CUL1: variants seen among roughly 807,000 people sequenced by gnomAD.
CUL1 encodes the protein cullin 1.
CUL1 carries 24 observed loss-of-function variants against 118.0 expected under a neutral mutation model. The observed-to-expected ratio is 0.20, with a 90% CI of 0.15 to 0.29. The LOEUF is 0.29. Ranked by LOEUF, CUL1 falls within the 10% of genes least tolerant of loss-of-function variation. The pLI is 1.00. For missense variants in CUL1, 361 were observed against 933.8 expected, an observed-to-expected ratio of 0.39 and a Z score of 7.99; for synonymous variants, 332 against 340.4, an observed-to-expected ratio of 0.98 and a Z score of 0.27.
At chr7:148,770,998 A>G (rs971136069) in intron 9 of CUL1, among the ~76,000 whole-genome samples, 3 of 152,208 alleles carry the variant, frequency 2.0e-5, no homozygotes, top group African/African-American at 7.2e-5. Flanking sequence ...AAGTTTAAAA[A>G]TTTTTGCCTA....
At chr7:148,716,446 T>G (rs1798217311) in intron 1 of CUL1, among the ~76,000 whole-genome samples, 1 of 152,202 alleles carries the variant, frequency 6.6e-6, no homozygotes, top group Non-Finnish European at 1.5e-5. Context: ...CTGTCAAATT[T>G]CCATCAGAGG....
chr7:148,719,790 T>C (rs977849000), intron 1 of CUL1, among the ~76,000 whole-genome samples: 6 of 152,244 alleles, frequency 3.9e-5, no homozygotes, highest in African/African-American at 1.2e-4. Flanking sequence ...TTTGGACGTG[T>C]CATTACGTAT....
intron 9 of CUL1, among the ~76,000 whole-genome samples, chr7:148,779,335 T>G (rs1054650244): frequency 2.0e-5 from 3 of 152,178 alleles, no homozygotes; most frequent in African/African-American, 7.2e-5. Context: ...AACACTGAGA[T>G]GTACCCAGCA....
At chr7:148,739,191 C>T (rs1799060069) in intron 2 of CUL1, among the ~76,000 whole-genome samples, 1 of 152,184 alleles carries the variant, frequency 6.6e-6, no homozygotes, top group Admixed American at 6.5e-5. Flanking sequence ...AGGTCTCATA[C>T]CAGTGAGGTG....
intron 9 of CUL1, among the ~76,000 whole-genome samples, chr7:148,778,014 G>C (rs1800460178): frequency 7.6e-6 from 1 of 131,434 alleles, no homozygotes; most frequent in Non-Finnish European, 1.5e-5. Context: ...AGTGAGCCGA[G>C]ATCATGCCAC....
intron 1 of CUL1, among the ~76,000 whole-genome samples, chr7:148,713,031 A>C (rs243535): frequency 0.32 from 48,163 of 152,046 alleles, 8,374 homozygotes; most frequent in South Asian, 0.48. Flanking sequence ...GATTTTTTAA[A>C]AAGTTCCAGT....
chr7:148,713,389 G>A (rs1005961371), intron 1 of CUL1, among the ~76,000 whole-genome samples: 1 of 152,164 alleles, frequency 6.6e-6, no homozygotes, highest in Admixed American at 6.5e-5. Context: ...GTTTTCCGGA[G>A]CAATTTATAC....
At position 148,760,469 on chromosome 7, in the gene CUL1, G is replaced by T; in HGVS notation, c.762G>T (p.Gln254His). ...YTRESTEFLQ[Q>H]NPVTEYMKKA... ...GAGAGAGTACTGAATTCTTGCAGCAGAACCCAGTTACTGAATATATGAAAA... is the reference window on the plus strand; with the variant it reads ...GAGAGAGTACTGAATTCTTGCAGCATAACCCAGTTACTGAATATATGAAAA... The change falls in exon 7 of 22, where the codon CAG becomes CAT. Residue 254 changes from glutamine (Q) to histidine (H), a missense_variant. By Grantham distance (24) the Gln-to-His change is conservative. Around this residue, in one of 7 missense-constraint regions of CUL1, gnomAD observed 169 missense variants for 429.7 expected, o/e 0.39. Transcript: ENST00000325222. 6.2e-7 allele frequency: 1 copy of T among 1,610,724 alleles called. No homozygotes were observed.
At chr7:148,767,776 T>C in intron 9 of CUL1, 27 bp downstream of exon 9, 1 of 1,608,590 alleles carries the variant, frequency 6.2e-7, no homozygotes, top group Non-Finnish European at 8.5e-7. Context: ...TGAAAATCAG[T>C]CAGGCTGATT....
chr7:148,725,934 A>G (rs989255161), intron 1 of CUL1, among the ~76,000 whole-genome samples: 1 of 152,248 alleles, frequency 6.6e-6, no homozygotes, highest in African/African-American at 2.4e-5. Context: ...GGGAACAACT[A>G]GAAAAAGGGA....
intron 11 of CUL1, among the ~76,000 whole-genome samples, chr7:148,786,191 A>G (rs747730924): frequency 3.3e-5 from 5 of 152,214 alleles, no homozygotes; most frequent in South Asian, 2.1e-4. Context: ...TATTTCTCCA[A>G]AGTTAAATTA....
At chr7:148,727,326 T>C (rs2129459522) in intron 1 of CUL1, among the ~76,000 whole-genome samples, 2 of 152,368 alleles carry the variant, frequency 1.3e-5, no homozygotes, top group African/African-American at 4.8e-5. Flanking sequence ...AGAAACGAGA[T>C]AGAATTTTGT....
In CUL1 at chr7:148,792,802, G is replaced by A; in HGVS notation, c.1883G>A (p.Ser628Asn). Residue 628 changes from serine (S) to asparagine (N), a missense_variant, in exon 17 of 22, where the codon AGC becomes AAC. Ser to Asn is a conservative substitution (Grantham distance 46). Coordinates refer to ENST00000325222, the MANE Select transcript of CUL1 (RefSeq NM_003592.3). Reference protein sequence around the residue: ...DAYTVQQLTDSTQIKMDILAQ... With the variant: ...DAYTVQQLTDNTQIKMDILAQ... Reference sequence around the variant, plus strand: ...TACACTGTGCAGCAGCTGACCGACAGCACTCAAATTAAAATGGTATTCTCA... The same window carrying A: ...TACACTGTGCAGCAGCTGACCGACAACACTCAAATTAAAATGGTATTCTCA... 6.2e-7 allele frequency: 1 copy of A among 1,611,752 alleles called. No homozygotes were observed. Among genetic ancestry groups the A allele is most frequent in the Non-Finnish European group, 8.5e-7 (1 of 1,178,728 alleles).
chr7:148,746,063 A>G (rs910320036), intron 2 of CUL1, among the ~76,000 whole-genome samples: 1 of 151,948 alleles, frequency 6.6e-6, no homozygotes, highest in Non-Finnish European at 1.5e-5. Flanking sequence ...TGTGCCTTTC[A>G]ATCTGTTTTG....
intron 1 of CUL1, among the ~76,000 whole-genome samples, chr7:148,699,812 C>G (rs984763827): frequency 5.9e-5 from 9 of 152,080 alleles, no homozygotes; most frequent in Admixed American, 1.3e-4. Flanking sequence ...GGCCTCGGCG[C>G]GCCCCCGGTC....
intron 1 of CUL1, among the ~76,000 whole-genome samples, chr7:148,724,535 A>G (rs749714214): frequency 3.9e-5 from 6 of 152,158 alleles, no homozygotes; most frequent in Non-Finnish European, 7.3e-5. Flanking sequence ...TGGCTCTGCC[A>G]TTGCTTCTTG....
At chr7:148,707,755 T>C (rs1433889285) in intron 1 of CUL1, among the ~76,000 whole-genome samples, 1 of 152,238 alleles carries the variant, frequency 6.6e-6, no homozygotes, top group Admixed American at 6.5e-5. Flanking sequence ...TCACATTTTT[T>C]CTTTAAAAAT....
chr7:148,800,196 G>A lies in CUL1; in HGVS notation c.2251-306G>A, dbSNP rs958908036. ...GAGACTGAGTCCTGCCGCAGAGGCAGGCAGATTTTGGTGGTAGAAAGGGAG... is the reference window on the plus strand; with the variant it reads ...GAGACTGAGTCCTGCCGCAGAGGCAAGCAGATTTTGGTGGTAGAAAGGGAG... On this transcript the variant is annotated intron_variant, in intron 21 of 21. Coordinates refer to ENST00000325222, the MANE Select transcript of CUL1 (RefSeq NM_003592.3). This position sits in a 1 kb window ranked among gnomAD's most constrained non-coding sequence, Gnocchi z 4.6. Among the ~76,000 whole-genome samples the A allele has an allele frequency of 1.6e-4, 24 of 152,222 alleles. No individual in the cohort carries two copies. The highest frequency in any genetic ancestry group is 5.8e-4 in the African/African-American group (24 of 41,460).
intron 11 of CUL1, among the ~76,000 whole-genome samples, chr7:148,784,342 C>T (rs1800751907): frequency 6.6e-6 from 1 of 152,184 alleles, no homozygotes; most frequent in African/African-American, 2.4e-5. Flanking sequence ...CTGTTCGCTT[C>T]TGAGATCAGA....
Sources: gnomAD v4.1 joint callset for allele counts (sites outside exome capture counted in the v4.1 genomes callset) on GRCh38, gnomAD v4.1.1 for gene constraint, gnomAD v4.1.1 regional missense constraint, Gnocchi (gnomAD v3.1) non-coding constraint, MANE v1.5 for transcripts, NCBI Gene and HGNC (gene_info 2026-07-23, HGNC 2026-07-21) for gene names.